ADAMTS2: variants seen among roughly 807,000 people sequenced by gnomAD.
The protein encoded by ADAMTS2 is A disintegrin and metalloproteinase with thrombospondin motifs 2.
ADAMTS2 carries 50 observed loss-of-function variants against 123.0 expected under a neutral mutation model. The ratio of observed to expected loss-of-function variants is 0.41; its 90% CI spans 0.32 to 0.51. ADAMTS2 has a LOEUF of 0.51. ADAMTS2 is among the 20% of genes least tolerant of loss of function. The pLI is 0.35. For synonymous variants in ADAMTS2, 678 were observed against 695.4 expected, an observed-to-expected ratio of 0.98 and a Z score of 0.39; for missense variants, 1,494 against 1,705.2, an observed-to-expected ratio of 0.88 and a Z score of 2.18.
At chr5:179,254,151 A>G (rs1003717955) in intron 3 of ADAMTS2, among the ~76,000 whole-genome samples, 1 of 152,158 alleles carries the variant, frequency 6.6e-6, no homozygotes, top group African/African-American at 2.4e-5. Flanking sequence ...CCCGAGCTTC[A>G]TACACACACG....
In ADAMTS2 at chr5:179,315,260, G is replaced by T. The variant is rs552547381; in HGVS notation, c.534+28507C>A. Among the ~76,000 whole-genome samples the T allele has an allele frequency of 4.6e-5, 7 of 152,170 alleles. No individual in the cohort carries two copies. The East Asian group carries it at 1.2e-3, about 25-fold the overall frequency. ...ACCCTGGCTTCTGGAAAGCACTGAG[G>T]CCACAGTTGGCTTCTGGAAAGCACT... On this transcript the variant is annotated intron_variant, in intron 2 of 21. Coordinates refer to ENST00000251582, the MANE Select transcript of ADAMTS2 (RefSeq NM_014244.5).
At chr5:179,271,211 T>C (rs1202935627) in intron 3 of ADAMTS2, among the ~76,000 whole-genome samples, 1 of 151,910 alleles carries the variant, frequency 6.6e-6, no homozygotes, top group Non-Finnish European at 1.5e-5. Context: ...GCCCAGAAAA[T>C]AAGGCAAGGC....
Position 179,136,060 on chromosome 5 carries a change from G to A in ADAMTS2, c.1952-18C>T. The A allele has an allele frequency of 6.2e-7, 1 of 1,613,002 alleles. No individual in the cohort carries two copies. Among genetic ancestry groups the A allele is most frequent in the Non-Finnish European group, 8.5e-7 (1 of 1,179,886 alleles). ...CTCCTTGGCTGGAAGGGAAGCAGCT[G>A]GGGGTCTGCAAGGAGCCCTGATGGC... On this transcript the variant is annotated intron_variant, in intron 12 of 21. Coordinates refer to ENST00000251582, the MANE Select transcript of ADAMTS2 (RefSeq NM_014244.5).
chr5:179,322,643 T>C (rs982354128), intron 2 of ADAMTS2, among the ~76,000 whole-genome samples: 6 of 152,084 alleles, frequency 3.9e-5, no homozygotes, highest in African/African-American at 1.4e-4. Context: ...GCCTCTGTAA[T>C]ATAAGAACCA....
In ADAMTS2 at chr5:179,314,435, C is replaced by T. The variant is rs1055804737; in HGVS notation, c.534+29332G>A. Among the ~76,000 whole-genome samples, 15 of 151,642 alleles carry T rather than the reference C, an allele frequency of 9.9e-5. No individual in the cohort carries two copies. Among genetic ancestry groups the T allele is most frequent in the African/African-American group, 3.4e-4 (14 of 41,262 alleles). ...CTCCCCACCCCGTGGCGTGGCGTGG[C>T]GTGGCCGGAATACTCAGTTTTCCCT... On this transcript the variant is annotated intron_variant, in intron 2 of 21. Transcript: ENST00000251582. The surrounding 1 kb of genome is among the most constrained non-coding windows in gnomAD (Gnocchi z 4.5).
chr5:179,283,945 G>GATTATTATTATTATT (rs756134923), intron 2 of ADAMTS2, among the ~76,000 whole-genome samples: 4 of 120,518 alleles, frequency 3.3e-5, no homozygotes, highest in East Asian at 2.3e-4. Context: ...ATGGTCAGAT[G>GATTATTATTATTATT]ATTATTATTA....
intron 3 of ADAMTS2, among the ~76,000 whole-genome samples, chr5:179,246,709 A>T (rs1765807881): frequency 6.6e-6 from 1 of 152,240 alleles, no homozygotes; most frequent in African/African-American, 2.4e-5. Context: ...GTGTGCTCAA[A>T]CACAGAACCA....
intron 13 of ADAMTS2, among the ~76,000 whole-genome samples, 198 bp from the exon 14 acceptor site, chr5:179,133,098 A>T (rs1304584486): frequency 6.6e-6 from 1 of 151,856 alleles, no homozygotes; most frequent in Non-Finnish European, 1.5e-5. Flanking sequence ...GCGTCTAGTC[A>T]TCAGTTAAAC....
In ADAMTS2 at chr5:179,171,392, C is replaced by A. The variant is rs566949560; in HGVS notation, c.975+9680G>T. 1.1e-4 allele frequency among the ~76,000 whole-genome samples: 16 copies of A among 152,328 alleles called. No homozygotes were observed. In the South Asian group the frequency reaches 3.3e-3, roughly 32 times the overall value. ...TTCCTAGCCGCTGTGCCCTCTACCCCAAGCCTTCAGCCCAGCCCCTAGCAG... is the reference window on the plus strand; with the variant it reads ...TTCCTAGCCGCTGTGCCCTCTACCCAAAGCCTTCAGCCCAGCCCCTAGCAG... On this transcript the variant is annotated intron_variant, in intron 5 of 21. Coordinates refer to ENST00000251582, the MANE Select transcript of ADAMTS2 (RefSeq NM_014244.5).
intron 18 of ADAMTS2, 39 bp downstream of exon 18, chr5:179,125,959 C>T: frequency 6.2e-7 from 1 of 1,612,582 alleles, no homozygotes; most frequent in African/African-American, 1.3e-5. Context: ...GGCCCCTGGC[C>T]TGTCTCCTCT....
chr5:179,309,072 G>A (rs1236710394), intron 2 of ADAMTS2, among the ~76,000 whole-genome samples: 3 of 152,232 alleles, frequency 2.0e-5, no homozygotes, highest in Admixed American at 2.0e-4. Flanking sequence ...TTCTGCAGCT[G>A]CGCCATCCAC....
Position 179,297,966 on chromosome 5 carries a change from G to A in ADAMTS2, c.535-24902C>T, listed in dbSNP as rs928177927. Among the ~76,000 whole-genome samples the A allele has an allele frequency of 4.6e-5, 7 of 151,730 alleles. No homozygotes were observed. In the East Asian group the frequency reaches 9.7e-4, roughly 21 times the overall value. ...GCTGGCCTCTGCTGCTCCCTCCCAC[G>A]CACCAATGCCCATGGCCTCTGTCCC... On this transcript the variant is annotated intron_variant, in intron 2 of 21. Transcript: ENST00000251582.
intron 4 of ADAMTS2, among the ~76,000 whole-genome samples, chr5:179,200,184 C>T (rs1764528547): frequency 6.6e-6 from 1 of 151,108 alleles, no homozygotes; most frequent in African/African-American, 2.4e-5. Flanking sequence ...AATAAGAATG[C>T]ATTGCATGTA....
rs532627950 is a variant in ADAMTS2 at position 179,332,016 on chromosome 5, C to A, written c.534+11751G>T. Among the ~76,000 whole-genome samples the A allele has an allele frequency of 4.6e-5, 7 of 152,218 alleles. No individual in the cohort carries two copies. The highest frequency in any genetic ancestry group is 7.3e-5 in the Non-Finnish European group (5 of 68,040). On this transcript the variant is annotated intron_variant, in intron 2 of 21. Coordinates refer to ENST00000251582, the MANE Select transcript of ADAMTS2 (RefSeq NM_014244.5). This position sits in a 1 kb window ranked among gnomAD's most constrained non-coding sequence, Gnocchi z 4.2. Reference sequence around the variant, plus strand: ...CTTTCCACCTGTGCCTCTGACCAGGCGGCTATAAATTGGGCGGGTCCCACA... The same window carrying A: ...CTTTCCACCTGTGCCTCTGACCAGGAGGCTATAAATTGGGCGGGTCCCACA...
At position 179,343,511 on chromosome 5, in the gene ADAMTS2, C is replaced by T. The variant is rs562964338; in HGVS notation, c.534+256G>A. Among the ~76,000 whole-genome samples, 5 of 152,242 alleles carry T rather than the reference C, an allele frequency of 3.3e-5. No homozygotes were observed. In the South Asian group the frequency reaches 1.0e-3, roughly 32 times the overall value. On this transcript the variant is annotated intron_variant, in intron 2 of 21. Transcript: ENST00000251582. ...TGTTCAGGCAGGCAAAAGAGAGAGG[C>T]GCACGCTCCTGCCTGCTGAGCCTTT...
chr5:179,319,832 C>T (rs1757110691), intron 2 of ADAMTS2, among the ~76,000 whole-genome samples: 1 of 152,166 alleles, frequency 6.6e-6, no homozygotes, highest in African/African-American at 2.4e-5. Context: ...TTACGCCTGG[C>T]TCCCCAGCAC....
chr5:179,154,599 C>T (rs1763432325), intron 7 of ADAMTS2, among the ~76,000 whole-genome samples: 1 of 152,224 alleles, frequency 6.6e-6, no homozygotes, highest in South Asian at 2.1e-4. Flanking sequence ...AGCGCCTGCT[C>T]AGTCTGCAGG....
chr5:179,150,533 T>C (rs950476656), intron 10 of ADAMTS2, among the ~76,000 whole-genome samples: 2 of 152,150 alleles, frequency 1.3e-5, no homozygotes, highest in African/African-American at 2.4e-5. Context: ...TGTCCCTCCG[T>C]GGAGAAACGG....
In ADAMTS2 at chr5:179,190,359, T is replaced by C. The variant is rs111249493; in HGVS notation, c.892-9204A>G. Among the ~76,000 whole-genome samples the C allele has an allele frequency of 4.6e-5, 7 of 152,246 alleles. 1 individual carries two copies. The highest frequency in any genetic ancestry group is 1.7e-4 in the African/African-American group (7 of 41,514). On this transcript the variant is annotated intron_variant, in intron 4 of 21. Transcript: ENST00000251582. ...GTAACAGGTGATATTATGGGGTTGTTAGAAGGAGCATTTGTCGTATAGAAT... is the reference window on the plus strand; with the variant it reads ...GTAACAGGTGATATTATGGGGTTGTCAGAAGGAGCATTTGTCGTATAGAAT...
Sources: gnomAD v4.1 joint callset for allele counts (sites outside exome capture counted in the v4.1 genomes callset) on GRCh38, gnomAD v4.1.1 for gene constraint, Gnocchi (gnomAD v3.1) non-coding constraint, MANE v1.5 for transcripts, NCBI Gene and HGNC (gene_info 2026-07-23, HGNC 2026-07-21) for gene names.